Variants in FHIT observed in about 807,000 individuals in gnomAD.
FHIT encodes the protein bis(5'-adenosyl)-triphosphatase.
Under a neutral mutation model 17.9 loss-of-function variants are expected in FHIT, and 19 were observed. The ratio of observed to expected loss-of-function variants is 1.06; its 90% CI spans 0.74 to 1.56. The LOEUF (loss-of-function observed/expected upper bound fraction) is 1.56, where lower values mean the gene tolerates loss of function less well. Among genes scored for constraint, FHIT ranks in the 40% most tolerant of loss-of-function variants. The pLI, the probability that FHIT is intolerant of heterozygous loss-of-function variation, is 0.00. For missense variants in FHIT, 248 were observed against 189.2 expected (o/e 1.31, Z -1.82); for synonymous variants, 81 against 69.7 (o/e 1.16, Z -0.81).
intron 8 of FHIT, among the ~76,000 whole-genome samples, chr3:59,753,151 G>A (rs765718202): frequency 2.6e-5 from 4 of 152,090 alleles, no homozygotes; most frequent in Non-Finnish European, 5.9e-5. Flanking sequence ...TCTCTTGCAT[G>A]AGCTCTGAGC....
chr3:60,831,589 C>G (rs1038484006), intron 3 of FHIT, among the ~76,000 whole-genome samples: 21 of 150,366 alleles, frequency 1.4e-4, no homozygotes, highest in Non-Finnish European at 2.1e-4. Context: ...CCACCAGCTT[C>G]AGACTTAGTT....
At chr3:59,992,927 CTGA>C (rs1186683537) in intron 7 of FHIT, among the ~76,000 whole-genome samples, 1 of 152,088 alleles carries the variant, frequency 6.6e-6, no homozygotes. Flanking sequence ...TTTATTCAAA[CTGA>C]TGATATTTTT....
chr3:60,681,482 C>T (rs1320977147), intron 4 of FHIT, among the ~76,000 whole-genome samples: 1 of 152,146 alleles, frequency 6.6e-6, no homozygotes, highest in African/African-American at 2.4e-5. Context: ...CCATGTCTCT[C>T]CCTGTAGATC....
chr3:60,733,116 G>A (rs978442130), intron 4 of FHIT, among the ~76,000 whole-genome samples: 1 of 152,166 alleles, frequency 6.6e-6, no homozygotes, highest in Non-Finnish European at 1.5e-5. Context: ...TCTCAACAGT[G>A]CAAGCATGAT....
intron 3 of FHIT, among the ~76,000 whole-genome samples, chr3:60,896,882 C>T (rs1402540395): frequency 6.6e-6 from 1 of 152,166 alleles, no homozygotes; most frequent in African/African-American, 2.4e-5. Flanking sequence ...CAGAGAAGTA[C>T]TACATCACTG....
intron 5 of FHIT, among the ~76,000 whole-genome samples, chr3:60,020,371 G>C (rs1284570938): frequency 6.6e-6 from 1 of 152,146 alleles, no homozygotes; most frequent in Non-Finnish European, 1.5e-5. Context: ...ATTATGATCG[G>C]AGTTGCTCAG....
chr3:61,056,948 C>T (rs2034245685), intron 2 of FHIT, among the ~76,000 whole-genome samples: 1 of 152,146 alleles, frequency 6.6e-6, no homozygotes, highest in South Asian at 2.1e-4. Flanking sequence ...AACAAACTTA[C>T]TACTTAAATA....
intron 4 of FHIT, among the ~76,000 whole-genome samples, chr3:60,723,825 T>A (rs1205871798): frequency 1.3e-5 from 2 of 152,214 alleles, no homozygotes. Flanking sequence ...CAGCATTCTA[T>A]TTGTGTGCCT....
intron 5 of FHIT, among the ~76,000 whole-genome samples, chr3:60,506,404 G>A (rs1467662842): frequency 6.6e-6 from 1 of 152,160 alleles, no homozygotes; most frequent in African/African-American, 2.4e-5. Context: ...CAGAGATTGT[G>A]TTTGGCAAAT....
intron 7 of FHIT, among the ~76,000 whole-genome samples, chr3:59,964,435 A>G (rs1024214791): frequency 5.9e-5 from 9 of 152,102 alleles, no homozygotes; most frequent in African/African-American, 1.9e-4. Flanking sequence ...ATTGACATCC[A>G]TTACCCCATG....
intron 5 of FHIT, among the ~76,000 whole-genome samples, chr3:60,308,291 G>T (rs1243109877): frequency 6.6e-6 from 1 of 152,020 alleles, no homozygotes; most frequent in Non-Finnish European, 1.5e-5. Flanking sequence ...CTCAAACTTG[G>T]AAAGAGGCGA....
At chr3:60,429,594 T>C (rs891782724) in intron 5 of FHIT, among the ~76,000 whole-genome samples, 1 of 151,922 alleles carries the variant, frequency 6.6e-6, no homozygotes, top group Non-Finnish European at 1.5e-5. Flanking sequence ...CGGCCCTGTT[T>C]AAGGGTATCT....
At chr3:60,116,792 T>C (rs1259561901) in intron 5 of FHIT, among the ~76,000 whole-genome samples, 1 of 152,156 alleles carries the variant, frequency 6.6e-6, no homozygotes, top group Admixed American at 6.5e-5. Flanking sequence ...ACTTTCTCTG[T>C]TGATATGAAA....
At chr3:61,082,004 A>G (rs1018691937) in intron 2 of FHIT, among the ~76,000 whole-genome samples, 1 of 151,966 alleles carries the variant, frequency 6.6e-6, no homozygotes, top group Non-Finnish European at 1.5e-5. Flanking sequence ...TGAATCCCAT[A>G]CAATTGTCTC....
At chr3:60,587,988 C>T (rs1179867377) in intron 4 of FHIT, among the ~76,000 whole-genome samples, 1 of 151,772 alleles carries the variant, frequency 6.6e-6, no homozygotes, top group African/African-American at 2.4e-5. Flanking sequence ...ACTCTTCTGT[C>T]ATGCCTTTTC....
chr3:59,927,463 TAAAA>T (rs58083993), intron 7 of FHIT, among the ~76,000 whole-genome samples: 4 of 130,264 alleles, frequency 3.1e-5, no homozygotes, highest in Non-Finnish European at 6.3e-5. Flanking sequence ...AGCTATTACT[TAAAA>T]AAAAAAAAAA....
At chr3:60,500,507 C>T (rs1335438033) in intron 5 of FHIT, among the ~76,000 whole-genome samples, 2 of 151,958 alleles carry the variant, frequency 1.3e-5, no homozygotes, top group African/African-American at 2.4e-5. Flanking sequence ...CGGTGGCTCA[C>T]GCCTGTAATC....
intron 4 of FHIT, among the ~76,000 whole-genome samples, chr3:60,598,003 C>T (rs1375037175): frequency 4.6e-5 from 7 of 152,038 alleles, no homozygotes; most frequent in Admixed American, 3.3e-4. Flanking sequence ...AAGAATCATA[C>T]ATTGAGGAAT....
At chr3:60,948,258 A>AG (rs1708723519) in intron 3 of FHIT, among the ~76,000 whole-genome samples, 2 of 152,168 alleles carry the variant, frequency 1.3e-5, no homozygotes, top group Non-Finnish European at 1.5e-5. Context: ...GTCAGGCAGA[A>AG]GGCCCAAAGG....
Sources: gnomAD v4.1 joint callset for allele counts (sites outside exome capture counted in the v4.1 genomes callset) on GRCh38, gnomAD v4.1.1 for gene constraint, MANE v1.5 for transcripts, NCBI Gene and HGNC (gene_info 2026-07-23, HGNC 2026-07-21) for gene names.